PTPRT: variants seen among roughly 807,000 people sequenced by gnomAD.
The protein encoded by PTPRT is receptor-type tyrosine-protein phosphatase T.
A neutral mutation model predicts 176.8 loss-of-function variants in PTPRT; 56 were observed. The ratio of observed to expected loss-of-function variants is 0.32; its 90% CI spans 0.26 to 0.40. The LOEUF is 0.40. PTPRT is among the 10% of genes least tolerant of loss of function. The pLI is 1.00. For missense variants in PTPRT, 1,540 were observed against 1,908.2 expected (o/e 0.81, Z 3.60); for synonymous variants, 783 against 739.0 (o/e 1.06, Z -0.96).
chr20:43,011,936 G>A (rs948331690), intron 1 of PTPRT, among the ~76,000 whole-genome samples: 7 of 152,122 alleles, frequency 4.6e-5, no homozygotes, highest in South Asian at 2.1e-4. Context: ...TCCTGCCCTC[G>A]AACATCAGAC....
chr20:42,963,513 C>T (rs528991974), intron 1 of PTPRT, among the ~76,000 whole-genome samples: 4 of 151,586 alleles, frequency 2.6e-5, no homozygotes, highest in East Asian at 1.9e-4. Context: ...GTCGTGAGTG[C>T]CCAAGCAAAT....
intron 1 of PTPRT, among the ~76,000 whole-genome samples, chr20:43,106,240 A>G (rs1394995202): frequency 6.6e-6 from 1 of 152,190 alleles, no homozygotes; most frequent in African/African-American, 2.4e-5. Context: ...AGTAAAATCA[A>G]TGTTTAGACT....
intron 1 of PTPRT, among the ~76,000 whole-genome samples, chr20:42,908,474 A>G (rs1033060137): frequency 6.6e-5 from 10 of 152,340 alleles, no homozygotes; most frequent in Non-Finnish European, 1.3e-4. Context: ...TTTATAAATT[A>G]TCTTTCTAAC....
At chr20:42,162,821 G>A (rs1989662963) in intron 16 of PTPRT, among the ~76,000 whole-genome samples, 1 of 152,136 alleles carries the variant, frequency 6.6e-6, no homozygotes, top group Non-Finnish European at 1.5e-5. Context: ...TGTCATGTTG[G>A]AATACTCCAT....
At chr20:42,885,692 A>C in intron 2 of PTPRT, 115 bp downstream of exon 2, 25 of 1,357,494 alleles carry the variant, frequency 1.8e-5, no homozygotes, top group African/African-American at 2.9e-5. Context: ...CACTACCTAC[A>C]GAGCTATCGA....
chr20:42,324,049 A>C (rs2145411531), intron 11 of PTPRT, among the ~76,000 whole-genome samples: 1 of 152,332 alleles, frequency 6.6e-6, no homozygotes, highest in African/African-American at 2.4e-5. Flanking sequence ...ACATTTCCAC[A>C]CAAAAACTTG....
chr20:42,761,835 T>C (rs992492997), intron 5 of PTPRT, among the ~76,000 whole-genome samples: 9 of 152,198 alleles, frequency 5.9e-5, no homozygotes, highest in African/African-American at 2.2e-4. Context: ...GCTGAGGGGC[T>C]GAGTTAGGAT....
intron 7 of PTPRT, among the ~76,000 whole-genome samples, chr20:42,570,291 T>A (rs2073132489): frequency 6.6e-6 from 1 of 152,148 alleles, no homozygotes; most frequent in South Asian, 2.1e-4. Context: ...TACCCTTCAC[T>A]CCAGAGCTCT....
intron 1 of PTPRT, among the ~76,000 whole-genome samples, chr20:42,906,016 T>A (rs2079472234): frequency 6.6e-6 from 1 of 152,112 alleles, no homozygotes; most frequent in Non-Finnish European, 1.5e-5. Context: ...TGTATACCTA[T>A]GTATCGAACC....
At position 42,077,271 on chromosome 20, in the gene PTPRT, T is replaced by C. The variant is rs1301776119; in HGVS notation, c.*3608A>G. On this transcript the variant is annotated 3_prime_UTR_variant, in exon 31 of 31. Coordinates refer to ENST00000373187, the MANE Select transcript of PTPRT (RefSeq NM_007050.6). ...GGCCTTCTAGAGGCCCAAGGACCCC[T>C]GGTTGGCCCAGATTCTTCACCCCAG... The C allele has an allele frequency of 5.4e-6, 1 of 186,560 alleles. No homozygotes were observed. Among genetic ancestry groups the C allele is most frequent in the African/African-American group, 2.3e-5 (1 of 42,710 alleles). 11.6% of individuals were successfully genotyped at this position (186,560 alleles called of 1,614,324 possible).
chr20:42,487,208 A>T (rs2071478389), intron 7 of PTPRT, among the ~76,000 whole-genome samples: 1 of 152,202 alleles, frequency 6.6e-6, no homozygotes, highest in Non-Finnish European at 1.5e-5. Flanking sequence ...CTTGGAGAGA[A>T]GGGCAGAAGT....
chr20:42,854,027 C>T (rs1022121695), intron 2 of PTPRT, among the ~76,000 whole-genome samples: 1 of 152,146 alleles, frequency 6.6e-6, no homozygotes, highest in African/African-American at 2.4e-5. Flanking sequence ...TCCTTTCCAA[C>T]CCACCAAATC....
intron 27 of PTPRT, among the ~76,000 whole-genome samples, chr20:42,093,695 A>G (rs559301608): frequency 5.9e-5 from 9 of 152,368 alleles, no homozygotes; most frequent in Non-Finnish European, 1.3e-4. Flanking sequence ...AGCAATGCTC[A>G]GGTCCTAAGG....
chr20:42,399,227 GGGGCAT>G (rs1046851925), intron 9 of PTPRT, among the ~76,000 whole-genome samples: 75 of 152,342 alleles, frequency 4.9e-4, no homozygotes, highest in African/African-American at 1.3e-3. Context: ...ACATTGCAAA[GGGGCAT>G]GGGCATGGGC....
chr20:42,245,170 C>T (rs1176279694), intron 14 of PTPRT, among the ~76,000 whole-genome samples: 3 of 152,178 alleles, frequency 2.0e-5, no homozygotes, highest in Non-Finnish European at 4.4e-5. Flanking sequence ...GATGGAGCCA[C>T]TATCTAGTGA....
chr20:42,355,282 G>A (rs917683941), intron 9 of PTPRT, among the ~76,000 whole-genome samples: 2 of 152,118 alleles, frequency 1.3e-5, no homozygotes, highest in Non-Finnish European at 2.9e-5. Context: ...GAGGCAGCTG[G>A]TTTGAAAACA....
At chr20:42,735,700 G>C (rs943026550) in intron 6 of PTPRT, among the ~76,000 whole-genome samples, 6 of 152,070 alleles carry the variant, frequency 3.9e-5, no homozygotes, top group African/African-American at 1.4e-4. Context: ...AAGGAAGGCA[G>C]TGGCTGCAGC....
chr20:42,425,902 G>GTAAAGAGC, intron 9 of PTPRT, among the ~76,000 whole-genome samples: 1 of 151,972 alleles, frequency 6.6e-6, no homozygotes. Flanking sequence ...AGGTAAAGAG[G>GTAAAGAGC]AGCTTCTGGA....
At chr20:42,137,298 C>A (rs760123075) in intron 18 of PTPRT, among the ~76,000 whole-genome samples, 2 of 152,168 alleles carry the variant, frequency 1.3e-5, no homozygotes, top group Non-Finnish European at 2.9e-5. Context: ...CCCCAGGAAT[C>A]AGCAGAGAAA....
Sources: gnomAD v4.1 joint callset for allele counts (sites outside exome capture counted in the v4.1 genomes callset) on GRCh38, gnomAD v4.1.1 for gene constraint, MANE v1.5 for transcripts, NCBI Gene and HGNC (gene_info 2026-07-23, HGNC 2026-07-21) for gene names.